Variants in SAMMSON observed in about 807,000 individuals in gnomAD.
The protein encoded by SAMMSON is long intergenic non-protein coding RNA 1212.
chr3:70,004,184 A>G (rs909716750), intron 1 of SAMMSON, among the ~76,000 whole-genome samples: 10 of 152,182 alleles, frequency 6.6e-5, no homozygotes, highest in South Asian at 2.1e-4. Context: ...GCCTATGGCT[A>G]GTAAGTTAGC....
At chr3:70,272,971 A>G (rs994240614) in intron 6 of SAMMSON, among the ~76,000 whole-genome samples, 2 of 152,206 alleles carry the variant, frequency 1.3e-5, no homozygotes, top group African/African-American at 4.8e-5. Context: ...TGTAATTGGC[A>G]TCTTTTCGGC....
At chr3:70,165,300 C>A (rs1206872046) in intron 4 of SAMMSON, among the ~76,000 whole-genome samples, 1 of 151,968 alleles carries the variant, frequency 6.6e-6, no homozygotes, top group African/African-American at 2.4e-5. Flanking sequence ...GTGTCCTCCC[C>A]AGATTCATGT....
downstream of SAMMSON, among the ~76,000 whole-genome samples, chr3:70,393,879 A>C (rs933760289): frequency 6.6e-6 from 1 of 152,144 alleles, no homozygotes; most frequent in African/African-American, 2.4e-5. Context: ...CATACATGGA[A>C]GGATCATTTA....
intron 4 of SAMMSON, among the ~76,000 whole-genome samples, chr3:70,104,212 G>A (rs1387327465): frequency 6.6e-6 from 1 of 151,502 alleles, no homozygotes; most frequent in African/African-American, 2.4e-5. Context: ...TTTTATATTT[G>A]TTAAAAGCAA....
chr3:70,382,706 TTATAA>T (rs1201657419), intron 9 of SAMMSON, among the ~76,000 whole-genome samples: 1 of 152,088 alleles, frequency 6.6e-6, no homozygotes, highest in Admixed American at 6.6e-5. Flanking sequence ...GTTGTAAAAA[TTATAA>T]TACAAGTCAA....
At chr3:70,253,667 G>A (rs976116128) in intron 6 of SAMMSON, among the ~76,000 whole-genome samples, 8 of 152,074 alleles carry the variant, frequency 5.3e-5, no homozygotes, top group East Asian at 1.9e-4. Context: ...ATGCTGCAGT[G>A]AGCTATGATA....
At chr3:70,079,725 T>C (rs910611127) in intron 4 of SAMMSON, among the ~76,000 whole-genome samples, 1 of 152,184 alleles carries the variant, frequency 6.6e-6, no homozygotes, top group African/African-American at 2.4e-5. Context: ...TACGGTACTT[T>C]CAACTTATGG....
At chr3:70,395,816 A>G (rs1701087812) in intron 2 of SAMMSON, among the ~76,000 whole-genome samples, 2 of 151,990 alleles carry the variant, frequency 1.3e-5, no homozygotes, top group Non-Finnish European at 2.9e-5. Flanking sequence ...AGCTGTGATT[A>G]CCCCCAAGAA....
At chr3:70,260,004 C>T (rs1701850837) in intron 6 of SAMMSON, among the ~76,000 whole-genome samples, 1 of 152,102 alleles carries the variant, frequency 6.6e-6, no homozygotes, top group Non-Finnish European at 1.5e-5. Context: ...ACAGCGTGAT[C>T]CAATTACCTC....
downstream of SAMMSON, among the ~76,000 whole-genome samples, chr3:70,392,653 G>A (rs1701059927): frequency 6.6e-6 from 1 of 152,224 alleles, no homozygotes; most frequent in East Asian, 1.9e-4. Context: ...GCTTCTGTGC[G>A]AATTCAGCCT....
At chr3:70,168,129 T>A (rs1432788774) in intron 4 of SAMMSON, among the ~76,000 whole-genome samples, 1 of 151,986 alleles carries the variant, frequency 6.6e-6, no homozygotes, top group East Asian at 1.9e-4. Flanking sequence ...GTTTTCCTAT[T>A]CCATCTTTGA....
At chr3:70,305,046 TA>T (rs1166349114) in intron 7 of SAMMSON, among the ~76,000 whole-genome samples, 1 of 152,188 alleles carries the variant, frequency 6.6e-6, no homozygotes, top group Non-Finnish European at 1.5e-5. Flanking sequence ...TCAGCTCAAA[TA>T]ACTTTCCCAC....
At chr3:70,334,491 A>C (rs1702647210) in intron 7 of SAMMSON, among the ~76,000 whole-genome samples, 1 of 152,024 alleles carries the variant, frequency 6.6e-6, no homozygotes, top group Non-Finnish European at 1.5e-5. Context: ...GATTTAAATG[A>C]GAAAATTAGA....
intron 7 of SAMMSON, among the ~76,000 whole-genome samples, chr3:70,352,803 T>G (rs925620435): frequency 6.6e-6 from 1 of 152,078 alleles, no homozygotes; most frequent in African/African-American, 2.4e-5. Context: ...AAGACAATTT[T>G]GAAAAGAATG....
intron 2 of SAMMSON, among the ~76,000 whole-genome samples, chr3:70,410,582 T>C (rs749164305): frequency 3.3e-5 from 5 of 152,194 alleles, no homozygotes; most frequent in African/African-American, 4.8e-5. Flanking sequence ...GCTAAATATA[T>C]TTCTTTACTG....
chr3:70,085,823 T>A (rs934233611), intron 4 of SAMMSON, among the ~76,000 whole-genome samples: 1 of 152,192 alleles, frequency 6.6e-6, no homozygotes, highest in African/African-American at 2.4e-5. Context: ...AGGACTAGTG[T>A]GAGACACAGA....
intron 2 of SAMMSON, among the ~76,000 whole-genome samples, chr3:70,410,467 T>C (rs1162762215): frequency 3.3e-5 from 5 of 152,222 alleles, no homozygotes; most frequent in Non-Finnish European, 7.3e-5. Flanking sequence ...ATTTTTAATG[T>C]GCATTTAGAA....
chr3:70,235,176 C>T (rs115708879), intron 4 of SAMMSON, among the ~76,000 whole-genome samples: 40 of 152,228 alleles, frequency 2.6e-4, no homozygotes, highest in African/African-American at 9.1e-4. Context: ...GGTTTACATC[C>T]CTATCTCTTT....
chr3:70,306,765 A>C (rs1702404978), intron 7 of SAMMSON, among the ~76,000 whole-genome samples: 1 of 152,142 alleles, frequency 6.6e-6, no homozygotes, highest in Non-Finnish European at 1.5e-5. Flanking sequence ...ATTGTGAATA[A>C]AATGTCCCAC....
Sources: gnomAD v4.1 joint callset for allele counts (sites outside exome capture counted in the v4.1 genomes callset) on GRCh38, gnomAD v4.1.1 for gene constraint, MANE v1.5 for transcripts, NCBI Gene and HGNC (gene_info 2026-07-23, HGNC 2026-07-21) for gene names.